The following ATM variants were observed in gnomAD, a reference collection of about 807,000 sequenced individuals.
The protein encoded by ATM is ATM serine/threonine kinase, also known as serine-protein kinase ATM.
ATM carries 308 observed loss-of-function variants against 387.0 expected under a neutral mutation model. The observed-to-expected ratio is 0.80, with a 90% CI of 0.73 to 0.87. ATM has a LOEUF of 0.87. Ranked by LOEUF, ATM falls within the 40% of genes least tolerant of loss-of-function variation. The pLI is 0.00. For synonymous variants in ATM, 1,156 were observed against 1,187.3 expected (o/e 0.97, Z 0.54); for missense variants, 3,312 against 3,560.9 (o/e 0.93, Z 1.78).
In ATM at chr11:108,244,957, G is replaced by T. The variant is rs761005590; in HGVS notation, c.832G>T (p.Val278Phe). The T allele has an allele frequency of 6.2e-7, 1 of 1,613,072 alleles. No homozygotes were observed. The highest frequency in any genetic ancestry group is 2.2e-5 in the East Asian group (1 of 44,816). ...TAGGCTTAATGATTCTTTAAAAGAA[G>T]TCATTATTGAATTATTTCAACTGCA... ...QHRLNDSLKE[V>F]IIELFQLQIY... The change falls in exon 7 of 63, where the codon GTC becomes TTC. Residue 278 changes from valine to phenylalanine, a missense_variant. This residue lies in a region of ATM where 1,791 missense variants were observed against 1,804.5 expected (regional missense o/e 0.99). Coordinates refer to ENST00000675843, the MANE Select transcript of ATM (RefSeq NM_000051.4).
At chr11:108,301,353 T>C (rs990957292) in intron 34 of ATM, among the ~76,000 whole-genome samples, 6 of 152,212 alleles carry the variant, frequency 3.9e-5, no homozygotes, top group East Asian at 3.8e-4. Flanking sequence ...TTATTACTTA[T>C]ATGTATTAGA....
chr11:108,269,069 C>T (rs188447871), intron 18 of ATM, among the ~76,000 whole-genome samples: 19 of 152,272 alleles, frequency 1.2e-4, no homozygotes, highest in Non-Finnish European at 2.6e-4. Context: ...CACACTCATA[C>T]GCAGATACAC....
chr11:108,336,988 A>G (rs558452239), intron 56 of ATM, among the ~76,000 whole-genome samples: 2 of 152,204 alleles, frequency 1.3e-5, no homozygotes, highest in Non-Finnish European at 2.9e-5. Context: ...AACAGGGACT[A>G]TGGGTGACAT....
chr11:108,365,246 T>C (rs1565608400), intron 62 of ATM, 28 bp downstream of exon 62: 1 of 1,614,202 alleles, frequency 6.2e-7, no homozygotes, highest in East Asian at 2.2e-5. Context: ...AAGGTCCTGT[T>C]GTCAGTTTTT....
rs540788846 is a variant in ATM, at chr11:108,244,268, G to A, written c.662+150G>A. On this transcript the variant is annotated intron_variant, in intron 6 of 62. Transcript: ENST00000675843. Reference sequence around the variant, plus strand: ...AGTGGATTCCTAAAGAGACAACCAAGTCCAACACTTTCTGAATATCCAATA... The same window carrying A: ...AGTGGATTCCTAAAGAGACAACCAAATCCAACACTTTCTGAATATCCAATA... 36 of 919,244 alleles carry A rather than the reference G, an allele frequency of 3.9e-5. 1 individual carries two copies. The South Asian group carries it at 5.2e-4, about 13-fold the overall frequency. 56.9% of individuals were successfully genotyped at this position (919,244 alleles called of 1,614,324 possible). A position where few individuals can be genotyped will look rare whatever the true frequency, so the allele number is the denominator to read the frequency against.
rs148781946 is a variant in ATM at position 108,367,482 on chromosome 11, C to G, written c.*1974C>G. 2.7e-3 allele frequency: 557 copies of G among 204,632 alleles called. 5 individuals are homozygous for G. The highest frequency in any genetic ancestry group is 0.012 in the African/African-American group (504 of 43,784). The allele number at this position is 204,632 out of a possible 1,614,324, so 12.7% of individuals were successfully genotyped here. A position where few individuals can be genotyped will look rare whatever the true frequency, so the allele number is the denominator to read the frequency against. On this transcript the variant is annotated 3_prime_UTR_variant, in exon 63 of 63. Transcript: ENST00000675843. Reference sequence around the variant, plus strand: ...CCCAGCTGTCATCATATAAGATAAACATCAGATAAAAAGCCACCTGAAAGT... The same window carrying G: ...CCCAGCTGTCATCATATAAGATAAAGATCAGATAAAAAGCCACCTGAAAGT...
intron 11 of ATM, 151 bp from the exon 12 acceptor site, chr11:108,252,666 A>C (rs2080219179): frequency 1.6e-6 from 1 of 629,400 alleles, no homozygotes; most frequent in Non-Finnish European, 2.8e-6. Flanking sequence ...CCTTTTAGAT[A>C]TTAAGAAATT....
Position 108,227,692 on chromosome 11 carries a change from G to A in ATM, c.68G>A (p.Arg23Gln), listed in dbSNP as rs587779858. ...CTAGAACATGATAGAGCTACAGAACGAAAGGTAGTAAATTACTTAAATTCA... is the reference window on the plus strand; with the variant it reads ...CTAGAACATGATAGAGCTACAGAACAAAAGGTAGTAAATTACTTAAATTCA... ...RQLEHDRATERKKEVEKFKRL... is the reference protein window; with the variant it reads ...RQLEHDRATEQKKEVEKFKRL... The change falls in exon 2 of 63, where the codon CGA becomes CAA. Residue 23 changes from arginine (R) to glutamine (Q), a missense_variant. Physicochemically the swap from Arg to Gln is conservative, Grantham distance 43. Around this residue, in one of 4 missense-constraint regions of ATM, gnomAD observed 1,791 missense variants for 1,804.5 expected, o/e 0.99. Coordinates refer to ENST00000675843, the MANE Select transcript of ATM (RefSeq NM_000051.4). 8.1e-6 allele frequency: 13 copies of A among 1,613,478 alleles called. No individual in the cohort carries two copies. Among genetic ancestry groups the A allele is most frequent in the Non-Finnish European group, 1.0e-5 (12 of 1,179,720 alleles).
In ATM at chr11:108,365,656, T is replaced by A; in HGVS notation, c.*148T>A. On this transcript the variant is annotated 3_prime_UTR_variant, in exon 63 of 63. Transcript: ENST00000675843. ...TGAATGTTGGTTTTAATACTTGATT[T>A]AATCACCACTCAAAAATGTTTTGAT... The A allele has an allele frequency of 3.2e-6, 3 of 940,670 alleles. No homozygotes were observed. The highest frequency in any genetic ancestry group is 2.6e-5 in the Admixed American group (1 of 38,846). 58.3% of individuals were successfully genotyped at this position (940,670 alleles called of 1,614,324 possible).
intron 34 of ATM, among the ~76,000 whole-genome samples, chr11:108,300,178 G>C (rs1317363236): frequency 6.6e-6 from 1 of 152,192 alleles, no homozygotes; most frequent in Non-Finnish European, 1.5e-5. Context: ...AGAAAATTAA[G>C]ATAGGGGAAT....
rs184920614 is a variant in ATM, at chr11:108,289,905, C to T, written c.4436+104C>T. The T allele has an allele frequency of 1.2e-3, 1,432 of 1,156,472 alleles. 2 individuals are homozygous for T. The highest frequency in any genetic ancestry group is 1.6e-3 in the Non-Finnish European group (1,289 of 805,572). 71.6% of individuals were successfully genotyped at this position (1,156,472 alleles called of 1,614,324 possible). A position where few individuals can be genotyped will look rare whatever the true frequency, so the allele number is the denominator to read the frequency against. On this transcript the variant is annotated intron_variant, in intron 29 of 62. Transcript: ENST00000675843. ...TTTTGAGACAAAGACTCACTCTGTC[C>T]GCCCAGGCTGGGTGCAGTCACGGCT...
intron 4 of ATM, among the ~76,000 whole-genome samples, chr11:108,231,167 AC>A (rs1424261598): frequency 6.6e-6 from 1 of 152,212 alleles, no homozygotes; most frequent in African/African-American, 2.4e-5. Flanking sequence ...GAGGAAAAAA[AC>A]AACCCCCAAA....
intron 17 of ATM, among the ~76,000 whole-genome samples, 169 bp downstream of exon 17, chr11:108,267,511 T>C (rs1223771217): frequency 6.6e-6 from 1 of 152,140 alleles, no homozygotes; most frequent in Admixed American, 6.5e-5. Flanking sequence ...TTTACTTGAA[T>C]TTATTAGTTT....
intron 16 of ATM, among the ~76,000 whole-genome samples, chr11:108,265,564 T>G (rs1349334029): frequency 6.6e-6 from 1 of 150,396 alleles, no homozygotes; most frequent in East Asian, 1.9e-4. Context: ...ATTCAGGACA[T>G]AGGCATGGGC....
At chr11:108,279,695 G>A in intron 23 of ATM, 87 bp downstream of exon 23, 1 of 1,062,192 alleles carries the variant, frequency 9.4e-7, no homozygotes, top group Non-Finnish European at 1.5e-6. Flanking sequence ...GTATAAGAGA[G>A]TTTATAATCC....
intron 1 of ATM, chr11:108,226,568 A>G (rs971699983): frequency 6.6e-6 from 1 of 152,230 alleles, no homozygotes; most frequent in African/African-American, 2.4e-5. Context: ...TTATGTGTTA[A>G]ATAAGAACCT....
At chr11:108,325,056 T>G (rs573183018) in intron 45 of ATM, among the ~76,000 whole-genome samples, 3 of 152,292 alleles carry the variant, frequency 2.0e-5, no homozygotes, top group Non-Finnish European at 4.4e-5. Context: ...TGTCAGAGTA[T>G]TAAAAATTTT....
Position 108,307,894 on chromosome 11 carries a change from C to A in ATM, c.5675-3C>A, listed in dbSNP as rs876658545. On this transcript the variant is annotated splice_polypyrimidine_tract_variant and splice_region_variant and intron_variant, in intron 37 of 62. Coordinates refer to ENST00000675843, the MANE Select transcript of ATM (RefSeq NM_000051.4). Reference sequence around the variant, plus strand: ...ACTGAGGGGAGATATTTTTGTTTGTCAGAGTCAGAGCACTTTTTCCGATGC... The same window carrying A: ...ACTGAGGGGAGATATTTTTGTTTGTAAGAGTCAGAGCACTTTTTCCGATGC... 6.2e-7 allele frequency: 1 copy of A among 1,612,010 alleles called. No individual in the cohort carries two copies. The highest frequency in any genetic ancestry group is 1.1e-5 in the South Asian group (1 of 91,000).
At chr11:108,313,726 C>T (rs187291015) in intron 40 of ATM, among the ~76,000 whole-genome samples, 4 of 152,214 alleles carry the variant, frequency 2.6e-5, no homozygotes, top group East Asian at 1.9e-4. Context: ...CTTGATTTCA[C>T]GTTATGAATA....
Sources: gnomAD v4.1 joint callset for allele counts (sites outside exome capture counted in the v4.1 genomes callset) on GRCh38, gnomAD v4.1.1 for gene constraint, gnomAD v4.1.1 regional missense constraint, MANE v1.5 for transcripts, NCBI Gene and HGNC (gene_info 2026-07-23, HGNC 2026-07-21) for gene names.